Variants in ROBO1 observed in about 807,000 individuals in gnomAD.
ROBO1 encodes the protein roundabout guidance receptor 1, also known as roundabout homolog 1.
In ROBO1, 149 loss-of-function variants were observed where a neutral mutation model predicts 195.9. The ratio of observed to expected loss-of-function variants is 0.76; its 90% confidence interval spans 0.67 to 0.87. ROBO1 has a LOEUF of 0.87. Among genes scored for constraint, ROBO1 ranks in the 40% least tolerant of loss-of-function variants. The pLI is 0.00. For missense variants in ROBO1, 1,933 were observed against 2,068.3 expected, an observed-to-expected ratio of 0.93 and a Z score of 1.27; for synonymous variants, 816 against 733.2, an observed-to-expected ratio of 1.11 and a Z score of -1.82.
chr3:79,114,638 T>C (rs2079957183), intron 3 of ROBO1, among the ~76,000 whole-genome samples: 1 of 152,200 alleles, frequency 6.6e-6, no homozygotes, highest in Non-Finnish European at 1.5e-5. Flanking sequence ...CACAAAAATT[T>C]AGGATTCTAC....
chr3:79,605,126 T>C (rs907398033), intron 1 of ROBO1, among the ~76,000 whole-genome samples: 1 of 151,998 alleles, frequency 6.6e-6, no homozygotes. Context: ...TTGTCCGAAA[T>C]GTTCAACGCA....
intron 2 of ROBO1, among the ~76,000 whole-genome samples, chr3:79,239,175 G>T (rs753825125): frequency 1.6e-4 from 24 of 152,082 alleles, no homozygotes; most frequent in African/African-American, 5.1e-4. Flanking sequence ...GAATAGATAA[G>T]TAATAACAAC....
intron 3 of ROBO1, among the ~76,000 whole-genome samples, chr3:79,021,827 A>AT (rs2078109603): frequency 6.6e-6 from 1 of 151,770 alleles, no homozygotes; most frequent in Non-Finnish European, 1.5e-5. Context: ...CTCCCGGCTA[A>AT]TTTTTTGTAT....
intron 2 of ROBO1, chr3:79,533,013 C>T: frequency 2.9e-6 from 1 of 339,292 alleles, no homozygotes; most frequent in Non-Finnish European, 5.8e-6. Flanking sequence ...TAATTAAGTA[C>T]CTTGGAGAAG....
At position 78,948,496 on chromosome 3, in the gene ROBO1, G is replaced by A. The variant is rs146538187; in HGVS notation, c.173-9569C>T. Among the ~76,000 whole-genome samples, 276 of 152,238 alleles carry A rather than the reference G, an allele frequency of 1.8e-3. 2 individuals are homozygous for A. Among genetic ancestry groups the A allele is most frequent in the African/African-American group, 6.1e-3 (255 of 41,552 alleles). ...ATGCTAAAAGCTCTCAATAAAGTAG[G>A]TATTGATGGGACAAATCTCAAAATA... On this transcript the variant is annotated intron_variant, in intron 3 of 30. Transcript: ENST00000464233.
chr3:79,188,572 C>T lies in ROBO1; in HGVS notation c.89-63033G>A, dbSNP rs144681362. Among the ~76,000 whole-genome samples the T allele has an allele frequency of 6.7e-4, 102 of 151,612 alleles. 1 individual carries two copies. The highest frequency in any genetic ancestry group is 2.6e-3 in the Admixed American group (39 of 15,180). On this transcript the variant is annotated intron_variant, in intron 2 of 30. Transcript: ENST00000464233. ...CGCACACACACACACACATATACGT[C>T]GTCTTTCTGTTTGTAAAAAGGGAGT...
At chr3:78,610,824 G>A (rs1365546130) in intron 28 of ROBO1, among the ~76,000 whole-genome samples, 1 of 152,052 alleles carries the variant, frequency 6.6e-6, no homozygotes, top group Non-Finnish European at 1.5e-5. Flanking sequence ...ATGTTGACAG[G>A]TTTGATTTCT....
intron 2 of ROBO1, among the ~76,000 whole-genome samples, chr3:79,160,640 A>G (rs2080941319): frequency 6.6e-6 from 1 of 152,086 alleles, no homozygotes; most frequent in Non-Finnish European, 1.5e-5. Flanking sequence ...TTTTCACATG[A>G]TTGACTGGTC....
chr3:79,142,719 G>C (rs1576729511), intron 2 of ROBO1, among the ~76,000 whole-genome samples: 1 of 152,044 alleles, frequency 6.6e-6, no homozygotes, highest in Non-Finnish European at 1.5e-5. Context: ...CTTTCCATTG[G>C]CCTTTGGTTA....
At chr3:79,701,215 TG>T (rs1166808391) in intron 1 of ROBO1, among the ~76,000 whole-genome samples, 1 of 151,854 alleles carries the variant, frequency 6.6e-6, no homozygotes, top group Non-Finnish European at 1.5e-5. Flanking sequence ...CATGCTGTTT[TG>T]GTTACTGTGG....
chr3:79,059,147 G>A (rs991010638), intron 3 of ROBO1, among the ~76,000 whole-genome samples: 7 of 152,190 alleles, frequency 4.6e-5, no homozygotes, highest in African/African-American at 1.4e-4. Context: ...TCATCACCCC[G>A]TATTCCTATA....
chr3:79,091,631 G>A (rs139502451), intron 3 of ROBO1, among the ~76,000 whole-genome samples: 28 of 152,132 alleles, frequency 1.8e-4, no homozygotes, highest in African/African-American at 6.7e-4. Flanking sequence ...ACAGTGATAA[G>A]GACTATGGAA....
chr3:79,163,788 C>A (rs1559704674), intron 2 of ROBO1, among the ~76,000 whole-genome samples: 1 of 151,966 alleles, frequency 6.6e-6, no homozygotes, highest in Non-Finnish European at 1.5e-5. Context: ...AGAAAAGGAT[C>A]CTATTTAGAA....
chr3:78,987,652 CA>C (rs1431016497), intron 3 of ROBO1, among the ~76,000 whole-genome samples: 3 of 147,954 alleles, frequency 2.0e-5, no homozygotes, highest in Non-Finnish European at 3.0e-5. Flanking sequence ...GAATGGGTAC[CA>C]AAAAAATAGT....
At chr3:79,272,448 C>A (rs921946882) in intron 2 of ROBO1, among the ~76,000 whole-genome samples, 1 of 151,972 alleles carries the variant, frequency 6.6e-6, no homozygotes, top group African/African-American at 2.4e-5. Flanking sequence ...TTCCTTAGAA[C>A]CAAAAGTCAG....
chr3:78,665,417 A>G (rs1707673664), intron 14 of ROBO1, among the ~76,000 whole-genome samples: 1 of 152,130 alleles, frequency 6.6e-6, no homozygotes, highest in African/African-American at 2.4e-5. Context: ...TTTTACAGCT[A>G]ATTTTTTAAA....
chr3:79,318,778 C>T (rs1473078882), intron 2 of ROBO1, among the ~76,000 whole-genome samples: 1 of 151,998 alleles, frequency 6.6e-6, no homozygotes, highest in African/African-American at 2.4e-5. Flanking sequence ...TTATAAAGTC[C>T]CTTTTCTTAA....
At chr3:79,079,146 T>C (rs996051625) in intron 3 of ROBO1, among the ~76,000 whole-genome samples, 4 of 151,714 alleles carry the variant, frequency 2.6e-5, no homozygotes, top group African/African-American at 9.7e-5. Context: ...ACTTAACTCT[T>C]GTCAAATAAC....
At chr3:79,524,326 GTAAA>G (rs1289189082) in intron 2 of ROBO1, among the ~76,000 whole-genome samples, 1 of 151,902 alleles carries the variant, frequency 6.6e-6, no homozygotes, top group East Asian at 1.9e-4. Context: ...ATTTAATACT[GTAAA>G]TATATAAAAA....
Sources: allele counts gnomAD v4.1 joint callset (sites outside exome capture counted in the v4.1 genomes callset), GRCh38; gene constraint gnomAD v4.1.1; transcripts MANE v1.5; gene names NCBI Gene and HGNC (gene_info 2026-07-23, HGNC 2026-07-21).